Variants in SRBD1 observed in about 807,000 individuals in gnomAD.
The protein encoded by SRBD1 is S1 RNA binding domain 1, also known as S1 RNA-binding domain-containing protein 1.
A neutral mutation model predicts 115.3 loss-of-function variants in SRBD1; 88 were observed. The ratio of observed to expected loss-of-function variants is 0.76; its 90% CI spans 0.64 to 0.91. The LOEUF (loss-of-function observed/expected upper bound fraction) is 0.91, where lower values mean the gene tolerates loss of function less well. Ranked by LOEUF, SRBD1 falls within the 40% of genes least tolerant of loss-of-function variation. The pLI is 0.00. For synonymous variants in SRBD1, 509 were observed against 407.7 expected, an observed-to-expected ratio of 1.25 and a Z score of -2.99; for missense variants, 1,385 against 1,177.4, an observed-to-expected ratio of 1.18 and a Z score of -2.58.
intron 16 of SRBD1, among the ~76,000 whole-genome samples, chr2:45,442,682 C>T (rs1572646034): frequency 6.6e-6 from 1 of 152,284 alleles, no homozygotes; most frequent in Non-Finnish European, 1.5e-5. Flanking sequence ...ATTCTCAACC[C>T]ATCAAGGGAA....
At chr2:45,608,540 G>C (rs945609771) in intron 1 of SRBD1, among the ~76,000 whole-genome samples, 2 of 152,096 alleles carry the variant, frequency 1.3e-5, no homozygotes, top group East Asian at 1.9e-4. Flanking sequence ...AAACTTGTTA[G>C]ATTAACCAAA....
intron 16 of SRBD1, among the ~76,000 whole-genome samples, chr2:45,454,348 T>C (rs774159090): frequency 9.9e-5 from 15 of 151,920 alleles, no homozygotes; most frequent in Non-Finnish European, 1.3e-4. Context: ...TATCTTTCTA[T>C]ATATCACCTT....
intron 18 of SRBD1, among the ~76,000 whole-genome samples, chr2:45,414,764 TA>T: frequency 7.9e-6 from 1 of 126,206 alleles, no homozygotes; most frequent in African/African-American, 3.2e-5. Context: ...ACACAGTGTG[TA>T]TATAGTATGT....
chr2:45,490,204 G>A (rs1009053574), intron 14 of SRBD1, among the ~76,000 whole-genome samples: 37 of 152,142 alleles, frequency 2.4e-4, no homozygotes, highest in African/African-American at 8.9e-4. Context: ...ATAATGTGAT[G>A]TTAAAACTAA....
At chr2:45,605,292 G>A (rs1456177005) in intron 2 of SRBD1, 70 bp downstream of exon 2, 1 of 1,448,722 alleles carries the variant, frequency 6.9e-7, no homozygotes, top group Non-Finnish European at 9.5e-7. Context: ...GTTAGAAAGT[G>A]ACAGAATGCA....
intron 4 of SRBD1, among the ~76,000 whole-genome samples, chr2:45,588,171 T>A (rs1485168844): frequency 6.6e-6 from 1 of 152,200 alleles, no homozygotes; most frequent in African/African-American, 2.4e-5. Flanking sequence ...GCAACAAGAA[T>A]GTTATTTTCA....
At chr2:45,579,142 A>G (rs1412605334) in intron 7 of SRBD1, among the ~76,000 whole-genome samples, 1 of 152,190 alleles carries the variant, frequency 6.6e-6, no homozygotes, top group Non-Finnish European at 1.5e-5. Flanking sequence ...AATAAAACCA[A>G]TGCATCTTGA....
chr2:45,558,565 T>A (rs922182495), intron 10 of SRBD1, among the ~76,000 whole-genome samples: 1 of 152,168 alleles, frequency 6.6e-6, no homozygotes, highest in Non-Finnish European at 1.5e-5. Flanking sequence ...TTATGCTAAT[T>A]AACTTATGTA....
chr2:45,575,511 T>C (rs1673149143), intron 7 of SRBD1, among the ~76,000 whole-genome samples: 1 of 152,234 alleles, frequency 6.6e-6, no homozygotes, highest in Non-Finnish European at 1.5e-5. Context: ...AAGCACTGCA[T>C]ATCATATGTA....
chr2:45,426,418 C>T (rs551582941), intron 16 of SRBD1, among the ~76,000 whole-genome samples: 30 of 152,306 alleles, frequency 2.0e-4, no homozygotes, highest in Non-Finnish European at 4.0e-4. Context: ...TGGCTGTGGG[C>T]GCAGCTTCAG....
chr2:45,605,393 G>A lies in SRBD1; in HGVS notation c.49C>T (p.Leu17=). The A allele has an allele frequency of 6.2e-7, 1 of 1,613,630 alleles. No individual in the cohort carries two copies. The highest frequency in any genetic ancestry group is 8.5e-7 in the Non-Finnish European group (1 of 1,179,956). Residue 17 remains leucine, a synonymous_variant, in exon 2 of 21, where the codon CTG becomes TTG. Coordinates refer to ENST00000263736, the MANE Select transcript of SRBD1 (RefSeq NM_018079.5). Reference sequence around the variant, plus strand: ...GAGAATGAAGAAAATTCATCTTTCAGTACCACATCCTGGACCTGTACTTTC... The same window carrying A: ...GAGAATGAAGAAAATTCATCTTTCAATACCACATCCTGGACCTGTACTTTC... The part of the protein sequence containing the change: ...RAKVQVQDVV[L]KDEFSSFSEL...
chr2:45,610,167 T>A (rs555333815), intron 1 of SRBD1, among the ~76,000 whole-genome samples: 5 of 152,226 alleles, frequency 3.3e-5, no homozygotes, highest in Admixed American at 1.3e-4. Flanking sequence ...AACCAATAAT[T>A]TGGAGGTTGC....
chr2:45,391,670 A>G (rs1449510007), intron 20 of SRBD1, among the ~76,000 whole-genome samples: 2 of 152,174 alleles, frequency 1.3e-5, no homozygotes, highest in Non-Finnish European at 2.9e-5. Context: ...ACACTGCAGT[A>G]AGTGGAAAGC....
At chr2:45,522,189 AT>A (rs113047819) in intron 14 of SRBD1, among the ~76,000 whole-genome samples, 84 of 147,608 alleles carry the variant, frequency 5.7e-4, no homozygotes, top group African/African-American at 7.9e-4. Flanking sequence ...AAAATCTGAA[AT>A]TTTTTTTTTT....
chr2:45,565,279 G>A (rs1475414439), intron 9 of SRBD1, among the ~76,000 whole-genome samples: 1 of 152,122 alleles, frequency 6.6e-6, no homozygotes, highest in Non-Finnish European at 1.5e-5. Flanking sequence ...CTGGCATAAG[G>A]ATAGACATAC....
chr2:45,605,226 A>C, intron 2 of SRBD1, 136 bp downstream of exon 2: 1 of 696,448 alleles, frequency 1.4e-6, no homozygotes, highest in Non-Finnish European at 2.4e-6. Context: ...GAGTTCAACA[A>C]ATACTTGTTG....
At chr2:45,520,158 G>A (rs559909839) in intron 14 of SRBD1, among the ~76,000 whole-genome samples, 6 of 152,316 alleles carry the variant, frequency 3.9e-5, no homozygotes, top group African/African-American at 7.2e-5. Context: ...GCCAAATAGA[G>A]TCCAACAAGC....
At chr2:45,573,727 AT>A (rs1158702719) in intron 8 of SRBD1, among the ~76,000 whole-genome samples, 1 of 152,228 alleles carries the variant, frequency 6.6e-6, no homozygotes, top group East Asian at 1.9e-4. Context: ...AAACAAAAGG[AT>A]GTGTCAGGAC....
chr2:45,436,248 C>A (rs1026313235), intron 16 of SRBD1, among the ~76,000 whole-genome samples: 1 of 152,092 alleles, frequency 6.6e-6, no homozygotes, highest in Non-Finnish European at 1.5e-5. Flanking sequence ...TAAGAACAAA[C>A]GGGAAACATC....
Sources: gnomAD v4.1 joint callset for allele counts (sites outside exome capture counted in the v4.1 genomes callset) on GRCh38, gnomAD v4.1.1 for gene constraint, MANE v1.5 for transcripts, NCBI Gene and HGNC (gene_info 2026-07-23, HGNC 2026-07-21) for gene names.